The following NGLY1 variants were observed in gnomAD, a reference collection of about 807,000 sequenced individuals.
NGLY1 encodes N-glycanase 1.
NGLY1 carries 68 observed loss-of-function variants against 84.6 expected under a neutral mutation model. That is an observed-to-expected ratio of 0.80 (90% CI 0.66 to 0.98). The LOEUF is 0.98. NGLY1 is among the 50% of genes least tolerant of loss of function. The pLI, the probability that NGLY1 is intolerant of heterozygous loss-of-function variation, is 0.00. For missense variants in NGLY1, 779 were observed against 770.2 expected, an observed-to-expected ratio of 1.01 and a Z score of -0.14; for synonymous variants, 280 against 275.2, an observed-to-expected ratio of 1.02 and a Z score of -0.17.
At chr3:25,773,452 G>C (rs1263302877) in intron 2 of NGLY1, among the ~76,000 whole-genome samples, 1 of 152,114 alleles carries the variant, frequency 6.6e-6, no homozygotes, top group African/African-American at 2.4e-5. Context: ...TTCCCTAGGT[G>C]TGTTCTTCAC....
intron 3 of NGLY1, among the ~76,000 whole-genome samples, chr3:25,754,603 G>C (rs961863428): frequency 1.3e-5 from 2 of 152,020 alleles, no homozygotes; most frequent in Non-Finnish European, 2.9e-5. Context: ...CCCCATGGGG[G>C]ACTACTGCAG....
chr3:25,732,142 A>T (rs1031622869), intron 9 of NGLY1, among the ~76,000 whole-genome samples, 177 bp downstream of exon 9: 5 of 152,194 alleles, frequency 3.3e-5, no homozygotes, highest in Non-Finnish European at 7.4e-5. Flanking sequence ...GCTAACTCTT[A>T]CACGATAATG....
At chr3:25,763,234 A>G (rs1419315098) in intron 3 of NGLY1, among the ~76,000 whole-genome samples, 1 of 152,254 alleles carries the variant, frequency 6.6e-6, no homozygotes, top group Non-Finnish European at 1.5e-5. Flanking sequence ...CAGGAAAGAG[A>G]TATTTTGTAA....
chr3:25,786,917 T>A (rs1432243342), upstream of NGLY1, among the ~76,000 whole-genome samples: 1 of 152,238 alleles, frequency 6.6e-6, no homozygotes, highest in Non-Finnish European at 1.5e-5. Flanking sequence ...ATTCATCATG[T>A]ATTTATGAAG....
intron 3 of NGLY1, 117 bp from the exon 4 acceptor site, chr3:25,751,380 T>C (rs1706743925): frequency 2.5e-6 from 2 of 806,592 alleles, no homozygotes; most frequent in Non-Finnish European, 3.6e-6. Flanking sequence ...ATGGATTCAC[T>C]TAAATATAAT....
chr3:25,750,708 A>T (rs1706692865), intron 4 of NGLY1, among the ~76,000 whole-genome samples: 1 of 152,254 alleles, frequency 6.6e-6, no homozygotes, highest in African/African-American at 2.4e-5. Context: ...CAATAAAATT[A>T]TACTATTATT....
Position 25,778,668 on chromosome 3 carries a change from T to C in NGLY1, c.152A>G (p.Tyr51Cys), listed in dbSNP as rs1477057400. ...NILRNPNDEK[Y>C]RSIRIGNTAF... ...TGTGTTTCCAATCCGGATGGATCTA[T>C]ATTTTTCATCATTAGGGTTTCTGAC... is the stretch of plus-strand genomic sequence containing the variant. The change falls in exon 2 of 12, where the codon TAT (tyrosine) becomes TGT (cysteine). Residue 51 changes from tyrosine to cysteine, a missense_variant. Transcript: ENST00000280700. The C allele has an allele frequency of 3.1e-6, 5 of 1,607,554 alleles. No homozygotes were observed. Among genetic ancestry groups the C allele is most frequent in the Non-Finnish European group, 3.4e-6 (4 of 1,177,134 alleles).
intron 1 of NGLY1, among the ~76,000 whole-genome samples, chr3:25,789,113 C>T (rs1055348498): frequency 5.3e-5 from 8 of 152,170 alleles, no homozygotes; most frequent in Admixed American, 3.9e-4. Flanking sequence ...AACAGATGTT[C>T]GATGAATACC....
chr3:25,738,594 A>G (rs1178112244), intron 5 of NGLY1, among the ~76,000 whole-genome samples: 4 of 152,168 alleles, frequency 2.6e-5, no homozygotes, highest in Non-Finnish European at 4.4e-5. Flanking sequence ...TTCTTAAGCT[A>G]AATAAATGAA....
At chr3:25,750,240 C>A (rs1706663580) in intron 4 of NGLY1, among the ~76,000 whole-genome samples, 1 of 152,124 alleles carries the variant, frequency 6.6e-6, no homozygotes, top group Non-Finnish European at 1.5e-5. Flanking sequence ...ATCAGGGAAA[C>A]CACCACCGTG....
At chr3:25,782,242 G>C (rs1445256744) in intron 1 of NGLY1, among the ~76,000 whole-genome samples, 1 of 152,114 alleles carries the variant, frequency 6.6e-6, no homozygotes, top group Non-Finnish European at 1.5e-5. Flanking sequence ...CTAAAATTGG[G>C]TCACGTGAAA....
At chr3:25,737,052 C>A (rs1705860988) in intron 6 of NGLY1, 3 of 259,512 alleles carry the variant, frequency 1.2e-5, no homozygotes, top group South Asian at 2.7e-4. Context: ...TACAAGTATC[C>A]CCCAAATATG....
intron 10 of NGLY1, among the ~76,000 whole-genome samples, chr3:25,722,896 A>T (rs1009924348): frequency 1.3e-5 from 2 of 152,184 alleles, no homozygotes; most frequent in African/African-American, 4.8e-5. Flanking sequence ...GCAAAGGGGG[A>T]TATCTGGGAA....
exon 1 of NGLY1, chr3:25,789,970 C>A (rs1034801940): frequency 3.6e-6 from 5 of 1,397,462 alleles, no homozygotes; most frequent in Non-Finnish European, 5.0e-6. Flanking sequence ...GGTCTGACCT[C>A]AGCCAAGGTG....
chr3:25,771,039 C>G (rs764716249), intron 2 of NGLY1, among the ~76,000 whole-genome samples: 2 of 152,168 alleles, frequency 1.3e-5, no homozygotes, highest in African/African-American at 2.4e-5. Flanking sequence ...TGTGCAGAAG[C>G]TTTTCAGTAT....
At chr3:25,729,472 A>C (rs555922324) in intron 9 of NGLY1, 154 bp from the exon 10 acceptor site, 19 of 405,936 alleles carry the variant, frequency 4.7e-5, no homozygotes, top group Non-Finnish European at 7.7e-5. Flanking sequence ...TATAAATTAA[A>C]TATAATCAGT....
upstream of NGLY1, among the ~76,000 whole-genome samples, chr3:25,787,731 A>G (rs1262274139): frequency 6.6e-6 from 1 of 152,206 alleles, no homozygotes; most frequent in Non-Finnish European, 1.5e-5. Context: ...ACGGGATTAA[A>G]TCCAAAGTCC....
upstream of NGLY1, among the ~76,000 whole-genome samples, chr3:25,785,897 C>G (rs1410831079): frequency 6.6e-6 from 1 of 152,190 alleles, no homozygotes; most frequent in African/African-American, 2.4e-5. Context: ...CGCTATCTCA[C>G]TGTAAGTTAT....
chr3:25,726,275 G>A (rs1203943078), intron 10 of NGLY1, among the ~76,000 whole-genome samples: 5 of 151,940 alleles, frequency 3.3e-5, no homozygotes, highest in Non-Finnish European at 7.4e-5. Context: ...ACTATGTATC[G>A]GGTACTATGC....
Sources: gnomAD v4.1 joint callset for allele counts (sites outside exome capture counted in the v4.1 genomes callset) on GRCh38, gnomAD v4.1.1 for gene constraint, MANE v1.5 for transcripts, NCBI Gene and HGNC (gene_info 2026-07-23, HGNC 2026-07-21) for gene names.